Variants in GALM observed in about 807,000 individuals in gnomAD.
GALM encodes the protein galactose mutarotase, also known as aldose 1-epimerase.
In GALM, 43 loss-of-function variants were observed where a neutral mutation model predicts 37.4. That is an observed-to-expected ratio of 1.15 (90% CI 0.90 to 1.48). The LOEUF is 1.48. Among genes scored for constraint, GALM ranks in the 40% most tolerant of loss-of-function variants. GALM has a pLI of 0.00. For missense variants in GALM, 456 were observed against 419.1 expected, an observed-to-expected ratio of 1.09 and a Z score of -0.77; for synonymous variants, 199 against 170.6, an observed-to-expected ratio of 1.17 and a Z score of -1.30.
chr2:38,698,739 T>TGCTG (rs1263188430), intron 4 of GALM, among the ~76,000 whole-genome samples: 1 of 152,138 alleles, frequency 6.6e-6, no homozygotes, highest in African/African-American at 2.4e-5. Flanking sequence ...AACACTGCAG[T>TGCTG]GCCAGATCCC....
chr2:38,688,243 G>A (rs1200873789), intron 3 of GALM, among the ~76,000 whole-genome samples: 1 of 151,630 alleles, frequency 6.6e-6, no homozygotes, highest in Non-Finnish European at 1.5e-5. Context: ...TGGGTGCGGT[G>A]ACTCACACCT....
chr2:38,698,876 G>A (rs1370141510), intron 4 of GALM, among the ~76,000 whole-genome samples: 2 of 152,176 alleles, frequency 1.3e-5, no homozygotes, highest in African/African-American at 2.4e-5. Flanking sequence ...CTCCTAAAGT[G>A]CTGGGATTAC....
chr2:38,707,238 G>A lies in GALM; in HGVS notation c.634+17344G>A, dbSNP rs566437231. ...CAGCAGCTGGATGCATGAGTGTGAC[G>A]TTAGAGAAATGACAGCTGGAGGCAT... On this transcript the variant is annotated intron_variant, in intron 4 of 6. Coordinates refer to ENST00000272252, the MANE Select transcript of GALM (RefSeq NM_138801.3). Among the ~76,000 whole-genome samples the A allele has an allele frequency of 3.5e-4, 53 of 152,046 alleles. 1 individual carries two copies. Among genetic ancestry groups the A allele is most frequent in the Non-Finnish European group, 4.4e-4 (30 of 68,018 alleles).
In GALM at chr2:38,733,711, T is replaced by A. The variant is rs1459849477; in HGVS notation, c.*146T>A. 5.8e-6 allele frequency: 4 copies of A among 688,176 alleles called. No homozygotes were observed. Among genetic ancestry groups the A allele is most frequent in the Non-Finnish European group, 7.9e-6 (3 of 380,384 alleles). 42.6% of individuals were successfully genotyped at this position (688,176 alleles called of 1,614,324 possible). A position where few individuals can be genotyped will look rare whatever the true frequency, so the allele number is the denominator to read the frequency against. The stretch of plus-strand genomic sequence containing the variant: ...TGGCTGTTCTGAGAATCAGTCTGGG[T>A]ATTGATTTCCTTTTCCAGTGACTGG... On this transcript the variant is annotated 3_prime_UTR_variant, in exon 7 of 7. Transcript: ENST00000272252.
chr2:38,670,441 G>T (rs1313397278), intron 1 of GALM, among the ~76,000 whole-genome samples: 1 of 152,200 alleles, frequency 6.6e-6, no homozygotes, highest in African/African-American at 2.4e-5. Flanking sequence ...CAGGTTAGAG[G>T]CTGCAGTTTA....
chr2:38,675,518 G>GGTTT (rs796150100), intron 1 of GALM, among the ~76,000 whole-genome samples: 1 of 104,982 alleles, frequency 9.5e-6, no homozygotes, highest in African/African-American at 4.5e-5. Flanking sequence ...TGGATTGAGG[G>GGTTT]TTTTTTTGTT....
intron 1 of GALM, among the ~76,000 whole-genome samples, chr2:38,667,807 A>G (rs1177575617): frequency 6.6e-6 from 1 of 152,168 alleles, no homozygotes; most frequent in African/African-American, 2.4e-5. Context: ...ACTGCACTCC[A>G]GCCTGGGCGA....
At chr2:38,725,838 A>G (rs2148457401) in intron 4 of GALM, among the ~76,000 whole-genome samples, 1 of 151,992 alleles carries the variant, frequency 6.6e-6, no homozygotes, top group East Asian at 2.0e-4. Context: ...CAGTCTACTG[A>G]GTAGCTGATA....
At chr2:38,667,423 A>T (rs893471897) in intron 1 of GALM, among the ~76,000 whole-genome samples, 1 of 150,996 alleles carries the variant, frequency 6.6e-6, no homozygotes, top group Non-Finnish European at 1.5e-5. Context: ...CAAAAAAATT[A>T]GCTGAGCATG....
chr2:38,718,196 C>CTTTTTTT (rs3059479), intron 4 of GALM, among the ~76,000 whole-genome samples: 84 of 131,252 alleles, frequency 6.4e-4, no homozygotes, highest in South Asian at 1.2e-3. Flanking sequence ...TTTTTCTTTT[C>CTTTTTTT]TTTTTTTTTT....
intron 4 of GALM, among the ~76,000 whole-genome samples, chr2:38,698,118 A>G (rs1665848046): frequency 6.6e-6 from 1 of 151,894 alleles, no homozygotes; most frequent in Non-Finnish European, 1.5e-5. Flanking sequence ...TAATTTTTGT[A>G]TTTTTAGTAG....
intron 4 of GALM, among the ~76,000 whole-genome samples, chr2:38,728,034 GAGT>G (rs1666522513): frequency 2.0e-5 from 3 of 152,262 alleles, no homozygotes; most frequent in Middle Eastern, 6.8e-3. Flanking sequence ...CACCCTAAAA[GAGT>G]ATGTTAACCT....
At chr2:38,703,027 G>A (rs1665949598) in intron 4 of GALM, among the ~76,000 whole-genome samples, 2 of 110,062 alleles carry the variant, frequency 1.8e-5, no homozygotes, top group Non-Finnish European at 3.6e-5. Flanking sequence ...GAGGCTGGGA[G>A]GCTGAGGTGG....
chr2:38,673,214 C>A (rs949525640), intron 1 of GALM, among the ~76,000 whole-genome samples: 7 of 152,174 alleles, frequency 4.6e-5, no homozygotes, highest in Non-Finnish European at 8.8e-5. Context: ...TCCTGAGAGC[C>A]TCTCCATCCC....
At chr2:38,676,774 AAATAAAT>A (rs1488117999) in intron 2 of GALM, among the ~76,000 whole-genome samples, 1 of 152,142 alleles carries the variant, frequency 6.6e-6, no homozygotes, top group African/African-American at 2.4e-5. Flanking sequence ...AAAAAATAAA[AAATAAAT>A]AATAAATAAA....
chr2:38,673,775 A>G (rs1665172522), intron 1 of GALM, among the ~76,000 whole-genome samples: 2 of 147,978 alleles, frequency 1.4e-5, no homozygotes, highest in South Asian at 2.1e-4. Flanking sequence ...GTGCCACTGT[A>G]CTCCAGCCTG....
intron 4 of GALM, among the ~76,000 whole-genome samples, chr2:38,712,318 A>G (rs527514781): frequency 3.3e-5 from 5 of 152,332 alleles, no homozygotes; most frequent in Admixed American, 2.0e-4. Context: ...CTGATGGTGC[A>G]TATCTCCTGA....
chr2:38,721,411 C>T (rs1187602091), intron 4 of GALM, among the ~76,000 whole-genome samples: 1 of 152,166 alleles, frequency 6.6e-6, no homozygotes, highest in East Asian at 1.9e-4. Flanking sequence ...TTAAGTCATC[C>T]CCCGTCCCAG....
chr2:38,690,358 T>TA (rs780584720), intron 4 of GALM, among the ~76,000 whole-genome samples: 10 of 151,776 alleles, frequency 6.6e-5, no homozygotes, highest in Admixed American at 2.0e-4. Flanking sequence ...AAACTAAAGT[T>TA]AAAAAAAATT....
Sources: gnomAD v4.1 joint callset for allele counts (sites outside exome capture counted in the v4.1 genomes callset) on GRCh38, gnomAD v4.1.1 for gene constraint, MANE v1.5 for transcripts, NCBI Gene and HGNC (gene_info 2026-07-23, HGNC 2026-07-21) for gene names.